The following TIMM8A variants were observed in gnomAD, a reference collection of about 807,000 sequenced individuals.
The protein encoded by TIMM8A is translocase of inner mitochondrial membrane 8A, also known as mitochondrial import inner membrane translocase subunit Tim8 A.
Under a neutral mutation model 6.8 loss-of-function variants are expected in TIMM8A, and 2 were observed. That is an observed-to-expected ratio of 0.30 (90% CI 0.12 to 0.93). The LOEUF is 0.93. Ranked by LOEUF, TIMM8A falls within the 40% of genes least tolerant of loss-of-function variation. The probability of loss-of-function intolerance (pLI) is 0.55; values close to 1 mark genes in which losing one functional copy is unlikely to be tolerated. For missense variants in TIMM8A, 34 were observed against 75.2 expected (o/e 0.45, Z 2.02); for synonymous variants, 26 against 28.5 (o/e 0.91, Z 0.28).
chrX:101,348,498 G>A (rs1926143302), intron 1 of TIMM8A, 35 bp downstream of exon 1: 1 of 1,206,271 alleles, frequency 8.3e-7, no homozygotes, highest in African/African-American at 1.8e-5. Flanking sequence ...GGGAAAGTAG[G>A]TACAGTGTTC....
intron 1 of TIMM8A, 57 bp downstream of exon 1, chrX:101,348,476 T>C (rs1224274256): frequency 2.7e-5 from 27 of 1,016,850 alleles, no homozygotes; most frequent in African/African-American, 4.4e-5. Flanking sequence ...AGTCCCGCGG[T>C]ACAAGGACAG....
chrX:101,346,859 A>G, intron 1 of TIMM8A, 199 bp from the exon 2 acceptor site: 1 of 405,322 alleles, frequency 2.5e-6, no homozygotes, highest in East Asian at 4.0e-5. Context: ...TCTTACAACA[A>G]TACTATGGAA....
intron 1 of TIMM8A, 40 bp from the exon 2 acceptor site, chrX:101,346,700 A>C: frequency 1.7e-6 from 2 of 1,199,275 alleles, no homozygotes; most frequent in Non-Finnish European, 2.3e-6. Context: ...GGGAACTTGG[A>C]AAGAAAAAGA....
rs41309506 is a variant in TIMM8A at position 101,348,375 on chromosome X, T to C, written c.132+158A>G. 19,981 of 1,172,658 alleles carry C rather than the reference T, an allele frequency of 0.017. 160 individuals are homozygous for C. The highest frequency in any genetic ancestry group is 0.019 in the Non-Finnish European group (16,740 of 876,826). ...GTCCCCAGAGAAGCGGAGTCACCCTTCTCCCATCCGGCTAGGCCACAGGAA... is the reference window on the plus strand; with the variant it reads ...GTCCCCAGAGAAGCGGAGTCACCCTCCTCCCATCCGGCTAGGCCACAGGAA... On this transcript the variant is annotated intron_variant, in intron 1 of 1. Transcript: ENST00000372902.
chrX:101,347,008 C>T (rs1463391124), intron 1 of TIMM8A: 2 of 180,838 alleles, frequency 1.1e-5, no homozygotes, highest in African/African-American at 6.1e-5. Flanking sequence ...GTGAAGTAAC[C>T]TTTCAATGAA....
chrX:101,346,812 C>T, intron 1 of TIMM8A, 152 bp from the exon 2 acceptor site: 1 of 502,456 alleles, frequency 2.0e-6, no homozygotes, highest in Non-Finnish European at 3.3e-6. Context: ...GGCAGCTGAC[C>T]AAGTATATAG....
rs1383990084 is a variant in TIMM8A, at chrX:101,346,427, T to C, written c.*72A>G. 1.4e-5 allele frequency: 17 copies of C among 1,208,617 alleles called. No homozygotes were observed. Among genetic ancestry groups the C allele is most frequent in the Non-Finnish European group, 1.5e-5 (13 of 895,106 alleles). On this transcript the variant is annotated 3_prime_UTR_variant, in exon 2 of 2. Coordinates refer to ENST00000372902, the MANE Select transcript of TIMM8A (RefSeq NM_004085.4). ...TGGGAGCCAATCCTCTCATAGCTGTTTCTTCAATCATCCCATCAACAGCTC... is the reference window on the plus strand; with the variant it reads ...TGGGAGCCAATCCTCTCATAGCTGTCTCTTCAATCATCCCATCAACAGCTC...
In TIMM8A at chrX:101,348,709, C is replaced by T; in HGVS notation, c.-45G>A. The T allele has an allele frequency of 8.3e-7, 1 of 1,207,882 alleles. No individual in the cohort carries two copies. Among genetic ancestry groups the T allele is most frequent in the Non-Finnish European group, 1.1e-6 (1 of 894,042 alleles). On this transcript the variant is annotated 5_prime_UTR_variant, in exon 1 of 2. Transcript: ENST00000372902. ...CAGAGACGAACTCCGCACCGACCTT[C>T]ACGTGTCTCCGCGACGGAACCGGAA...
In TIMM8A at chrX:101,346,211, G is replaced by A; in HGVS notation, c.*288C>T. On this transcript the variant is annotated 3_prime_UTR_variant, in exon 2 of 2. Coordinates refer to ENST00000372902, the MANE Select transcript of TIMM8A (RefSeq NM_004085.4). ...ATCAAAATTATAGGAAGCAGTTAAT[G>A]GGGCTTTGAGAAAAGCATAGTCCCA... 8 of 930,789 alleles carry A rather than the reference G, an allele frequency of 8.6e-6. No individual in the cohort carries two copies. Among genetic ancestry groups the A allele is most frequent in the Non-Finnish European group, 1.1e-5 (8 of 749,764 alleles). 76.7% of individuals were successfully genotyped at this position (930,789 alleles called of 1,213,427 possible).
intron 1 of TIMM8A, chrX:101,347,988 A>C (rs1452447612): frequency 5.0e-6 from 4 of 805,446 alleles, no homozygotes; most frequent in African/African-American, 4.4e-5. Context: ...CTTCAGACCC[A>C]AAACGGCTTG....
At chrX:101,348,505 G>A (rs1555976374) in intron 1 of TIMM8A, 28 bp downstream of exon 1, 2 of 1,206,919 alleles carry the variant, frequency 1.7e-6, no homozygotes, top group Non-Finnish European at 2.2e-6. Context: ...TAGGTACAGT[G>A]TTCAGGTCCC....
chrX:101,345,835 G>C lies in TIMM8A; in HGVS notation c.*664C>G. The C allele has an allele frequency of 1.3e-6, 1 of 753,253 alleles. No homozygotes were observed. The highest frequency in any genetic ancestry group is 1.6e-6 in the Non-Finnish European group (1 of 638,592). 62.1% of individuals were successfully genotyped at this position (753,253 alleles called of 1,213,427 possible). ...AATTTTTTGTACCCTGATATACAGG[G>C]TAAGTTAATTTCTTCCTTGTGGCAG... On this transcript the variant is annotated 3_prime_UTR_variant, in exon 2 of 2. Transcript: ENST00000372902.
At position 101,346,106 on chromosome X, in the gene TIMM8A, T is replaced by A. The variant is rs1555976053; in HGVS notation, c.*393A>T. ...ATTATTCTTCCCCTACTTCTGCCCT[T>A]TCTGATAAACACAAGGATCTCCCCT... On this transcript the variant is annotated 3_prime_UTR_variant, in exon 2 of 2. Coordinates refer to ENST00000372902, the MANE Select transcript of TIMM8A (RefSeq NM_004085.4). 1.2e-6 allele frequency: 1 copy of A among 838,876 alleles called. No homozygotes were observed. The highest frequency in any genetic ancestry group is 1.4e-6 in the Non-Finnish European group (1 of 693,889). The allele number at this position is 838,876 out of a possible 1,213,427, so 69.1% of individuals were successfully genotyped here. A position where few individuals can be genotyped will look rare whatever the true frequency, so the allele number is the denominator to read the frequency against.
rs1555976096 is a variant in TIMM8A, at chrX:101,346,466, C to T, written c.*33G>A. The T allele has an allele frequency of 8.3e-7, 1 of 1,210,475 alleles. No homozygotes were observed. The highest frequency in any genetic ancestry group is 1.1e-6 in the Non-Finnish European group (1 of 895,454). ...CATCAACAGCTCTTCATTTCTTGAACTACCTTCCTTTTCCAAAGAGGTAAT... is the reference window on the plus strand; with the variant it reads ...CATCAACAGCTCTTCATTTCTTGAATTACCTTCCTTTTCCAAAGAGGTAAT... On this transcript the variant is annotated 3_prime_UTR_variant, in exon 2 of 2. Transcript: ENST00000372902.
Position 101,346,087 on chromosome X carries a change from C to A in TIMM8A, c.*412G>T. On this transcript the variant is annotated 3_prime_UTR_variant, in exon 2 of 2. Coordinates refer to ENST00000372902, the MANE Select transcript of TIMM8A (RefSeq NM_004085.4). Reference sequence around the variant, plus strand: ...CACTAGATAAGGATACCAAATTATTCTTCCCCTACTTCTGCCCTTTCTGAT... The same window carrying A: ...CACTAGATAAGGATACCAAATTATTATTCCCCTACTTCTGCCCTTTCTGAT... 1 of 826,705 alleles carries A rather than the reference C, an allele frequency of 1.2e-6. No homozygotes were observed. The highest frequency in any genetic ancestry group is 1.5e-6 in the Non-Finnish European group (1 of 685,805). The allele number at this position is 826,705 out of a possible 1,213,427, so 68.1% of individuals were successfully genotyped here. A position where few individuals can be genotyped will look rare whatever the true frequency, so the allele number is the denominator to read the frequency against.
intron 1 of TIMM8A, 106 bp from the exon 2 acceptor site, chrX:101,346,766 AAAT>A (rs1926079073): frequency 1.2e-6 from 1 of 812,247 alleles, no homozygotes. Flanking sequence ...CTTTACCTAA[AAAT>A]AATATCTGAT....
In TIMM8A at chrX:101,346,199, G is replaced by C; in HGVS notation, c.*300C>G. The C allele has an allele frequency of 1.1e-6, 1 of 907,025 alleles. No individual in the cohort carries two copies. Among genetic ancestry groups the C allele is most frequent in the African/African-American group, 2.0e-5 (1 of 49,348 alleles). The allele number at this position is 907,025 out of a possible 1,213,427, so 74.7% of individuals were successfully genotyped here. A position where few individuals can be genotyped will look rare whatever the true frequency, so the allele number is the denominator to read the frequency against. On this transcript the variant is annotated 3_prime_UTR_variant, in exon 2 of 2. Coordinates refer to ENST00000372902, the MANE Select transcript of TIMM8A (RefSeq NM_004085.4). ...TGTGGTCCCACTATCAAAATTATAG[G>C]AAGCAGTTAATGGGGCTTTGAGAAA...
rs782657477 is a variant in TIMM8A, at chrX:101,348,699, C to A, written c.-35G>T. ...ACCAAGCTTGCAGAGACGAACTCCG[C>A]ACCGACCTTCACGTGTCTCCGCGAC... is the stretch of plus-strand genomic sequence containing the variant. On this transcript the variant is annotated 5_prime_UTR_variant, in exon 1 of 2. Transcript: ENST00000372902. 8 of 1,208,831 alleles carry A rather than the reference C, an allele frequency of 6.6e-6. No homozygotes were observed. The highest frequency in any genetic ancestry group is 2.2e-5 in the Admixed American group (1 of 46,011).
At chrX:101,346,850 C>T in intron 1 of TIMM8A, 190 bp from the exon 2 acceptor site, 1 of 430,370 alleles carries the variant, frequency 2.3e-6, no homozygotes, top group Non-Finnish European at 4.0e-6. Flanking sequence ...ACATTAAATT[C>T]TTACAACAAT....
Sources: gnomAD v4.1 joint callset for allele counts on GRCh38, gnomAD v4.1.1 for gene constraint, MANE v1.5 for transcripts, NCBI Gene and HGNC (gene_info 2026-07-23, HGNC 2026-07-21) for gene names.